Variants in MCMDC2 observed in about 807,000 individuals in gnomAD.
MCMDC2 encodes the protein minichromosome maintenance domain-containing protein 2.
A neutral mutation model predicts 75.8 loss-of-function variants in MCMDC2; 54 were observed. That is an observed-to-expected ratio of 0.71 (90% CI 0.57 to 0.89). The LOEUF (loss-of-function observed/expected upper bound fraction) is 0.89. MCMDC2 is among the 40% of genes least tolerant of loss of function. The pLI is 0.00. For synonymous variants in MCMDC2, 249 were observed against 274.6 expected, an observed-to-expected ratio of 0.91 and a Z score of 0.92; for missense variants, 656 against 780.4, an observed-to-expected ratio of 0.84 and a Z score of 1.90.
At chr8:66,902,115 G>A (rs1812693419) in intron 13 of MCMDC2, among the ~76,000 whole-genome samples, 1 of 151,196 alleles carries the variant, frequency 6.6e-6, no homozygotes, top group Non-Finnish European at 1.5e-5. Flanking sequence ...GATCACTTGA[G>A]CTCAAGAATT....
In MCMDC2 at chr8:66,902,711, A is replaced by AATATATATAT. The variant is rs1231949044; in HGVS notation, c.1769+1385_1769+1394dup. 7.2e-4 allele frequency among the ~76,000 whole-genome samples: 49 copies of AATATATATAT among 67,914 alleles called. 1 individual carries two copies. The East Asian group carries it at 7.5e-3, about 10-fold the overall frequency. The allele number at this position is 67,914 out of a possible 152,430, so 44.6% of individuals were successfully genotyped here. On this transcript the variant is annotated intron_variant, in intron 13 of 14. Transcript: ENST00000422365. ...CTGTCTCAAAAAAAAAAAAAAAAAA[A>AATATATATAT]ATATATATATATATATATATATATA...
At chr8:66,881,928 T>C (rs1055903741) in intron 8 of MCMDC2, among the ~76,000 whole-genome samples, 1 of 152,248 alleles carries the variant, frequency 6.6e-6, no homozygotes, top group African/African-American at 2.4e-5. Context: ...TTGGATTTTT[T>C]TGTAATCCGT....
At chr8:66,879,362 G>A (rs1048145260) in intron 7 of MCMDC2, among the ~76,000 whole-genome samples, 1 of 152,188 alleles carries the variant, frequency 6.6e-6, no homozygotes, top group African/African-American at 2.4e-5. Flanking sequence ...AGAGGCCTAG[G>A]ATGGTAAATC....
chr8:66,905,834 G>A (rs990797313), intron 14 of MCMDC2, among the ~76,000 whole-genome samples: 6 of 151,786 alleles, frequency 4.0e-5, no homozygotes, highest in South Asian at 2.1e-4. Flanking sequence ...GTGAAAACCC[G>A]TCTCTACTAA....
At position 66,884,064 on chromosome 8, in the gene MCMDC2, A is replaced by G. The variant is rs745847924; in HGVS notation, c.1073+70A>G. Reference sequence around the variant, plus strand: ...ATTTGCATACATCCTTTCCATGAGCATTATTACAAGAAGAATATTTAGAAT... The same window carrying G: ...ATTTGCATACATCCTTTCCATGAGCGTTATTACAAGAAGAATATTTAGAAT... On this transcript the variant is annotated intron_variant, in intron 9 of 14. Transcript: ENST00000422365. 7.2e-5 allele frequency: 68 copies of G among 940,190 alleles called. No homozygotes were observed. In the South Asian group the frequency reaches 9.8e-4, roughly 14 times the overall value. The allele number at this position is 940,190 out of a possible 1,614,324, so 58.2% of individuals were successfully genotyped here.
rs753116577 is a variant in MCMDC2 at position 66,890,860 on chromosome 8, C to T, written c.1074-5C>T. 7.5e-6 allele frequency: 12 copies of T among 1,591,734 alleles called. No individual in the cohort carries two copies. In the South Asian group the frequency reaches 1.3e-4, roughly 17 times the overall value. The stretch of plus-strand genomic sequence containing the variant: ...AGTAATGAAAAGTTTATTTTTTTTC[C>T]CTAGGCTTCTGAATTTTAGCATAAA... On this transcript the variant is annotated splice_polypyrimidine_tract_variant and splice_region_variant and intron_variant, in intron 9 of 14. Transcript: ENST00000422365.
At chr8:66,896,080 T>G in intron 10 of MCMDC2, 90 bp from the exon 11 acceptor site, 6 of 1,165,456 alleles carry the variant, frequency 5.1e-6, no homozygotes, top group Non-Finnish European at 4.9e-6. Flanking sequence ...GTCTACACAG[T>G]ATAATTATAT....
intron 14 of MCMDC2, among the ~76,000 whole-genome samples, chr8:66,907,447 C>G (rs1431327130): frequency 6.6e-6 from 1 of 152,102 alleles, no homozygotes; most frequent in Non-Finnish European, 1.5e-5. Flanking sequence ...TGTATATGTG[C>G]CACATTTTCT....
downstream of MCMDC2, among the ~76,000 whole-genome samples, chr8:66,924,327 T>C (rs1477455906): frequency 6.6e-6 from 1 of 151,872 alleles, no homozygotes; most frequent in African/African-American, 2.4e-5. Context: ...CTGATGAAAT[T>C]TTAAAATTTG....
intron 1 of MCMDC2, among the ~76,000 whole-genome samples, chr8:66,873,318 A>G (rs1403570791): frequency 6.6e-6 from 1 of 152,200 alleles, no homozygotes; most frequent in African/African-American, 2.4e-5. Context: ...GAGAGGTCAG[A>G]TGATTTCCCC....
chr8:66,923,050 T>C (rs1342154489), downstream of MCMDC2, among the ~76,000 whole-genome samples: 1 of 152,188 alleles, frequency 6.6e-6, no homozygotes, highest in African/African-American at 2.4e-5. Flanking sequence ...GGTGGAAACA[T>C]TTCATGATAT....
At chr8:66,880,353 C>T (rs1811500822) in intron 7 of MCMDC2, among the ~76,000 whole-genome samples, 1 of 152,190 alleles carries the variant, frequency 6.6e-6, no homozygotes, top group Admixed American at 6.5e-5. Context: ...GATTGTGCCA[C>T]TGCACTACAG....
chr8:66,877,422 T>A lies in MCMDC2; in HGVS notation c.359T>A (p.Leu120His). The change falls in exon 5 of 15, where the codon CTT becomes CAT. Residue 120 changes from leucine to histidine, a missense_variant. Coordinates refer to ENST00000422365, the MANE Select transcript of MCMDC2 (RefSeq NM_173518.5). ...SYGLDLCEFP[L>H]DYTSQRFYMM... ...GGTCTTGATCTTTGTGAGTTTCCAC[T>A]TGATTATACATCTCAGAGATTTTAT... is the stretch of plus-strand genomic sequence containing the variant. 6.2e-7 allele frequency: 1 copy of A among 1,613,520 alleles called. No individual in the cohort carries two copies. The highest frequency in any genetic ancestry group is 1.1e-5 in the South Asian group (1 of 90,930).
rs763188991 is a variant in MCMDC2, at chr8:66,874,632, G to A, written c.285+46G>A. On this transcript the variant is annotated intron_variant, in intron 4 of 14. Transcript: ENST00000422365. ...AGCAAACTCAGGTACAGATTTACAT[G>A]ATGACTTGTAAAAAAATATTTTTAT... 2.7e-6 allele frequency: 4 copies of A among 1,481,578 alleles called. No individual in the cohort carries two copies. The African/African-American group carries it at 5.7e-5, about 21-fold the overall frequency. The allele number at this position is 1,481,578 out of a possible 1,614,324, so 91.8% of individuals were successfully genotyped here.
At chr8:66,884,174 T>G (rs1415984483) in intron 9 of MCMDC2, 180 bp downstream of exon 9, 2 of 582,174 alleles carry the variant, frequency 3.4e-6, no homozygotes, top group Non-Finnish European at 6.0e-6. Context: ...AGTGATAAGT[T>G]GAATTACTCC....
chr8:66,873,560 G>T (rs530907384), intron 1 of MCMDC2, among the ~76,000 whole-genome samples: 8 of 152,014 alleles, frequency 5.3e-5, no homozygotes, highest in African/African-American at 1.7e-4. Context: ...TTAAGTTTTC[G>T]ATCTTGTGGA....
At chr8:66,882,047 C>G (rs1487030633) in intron 8 of MCMDC2, among the ~76,000 whole-genome samples, 2 of 152,160 alleles carry the variant, frequency 1.3e-5, no homozygotes, top group Non-Finnish European at 2.9e-5. Flanking sequence ...GGTGGTTTTA[C>G]TGGTGAACTT....
intron 13 of MCMDC2, among the ~76,000 whole-genome samples, chr8:66,903,463 T>G (rs576411281): frequency 2.6e-5 from 4 of 152,334 alleles, no homozygotes; most frequent in Admixed American, 2.0e-4. Flanking sequence ...AGATTACACT[T>G]TAATACTATA....
intron 9 of MCMDC2, among the ~76,000 whole-genome samples, chr8:66,888,382 A>C (rs796593219): frequency 7.2e-5 from 11 of 152,334 alleles, no homozygotes; most frequent in African/African-American, 2.4e-4. Context: ...GAGCCCAGCC[A>C]AATCAGTATG....
Sources: gnomAD v4.1 joint callset for allele counts (sites outside exome capture counted in the v4.1 genomes callset) on GRCh38, gnomAD v4.1.1 for gene constraint, MANE v1.5 for transcripts, NCBI Gene and HGNC (gene_info 2026-07-23, HGNC 2026-07-21) for gene names.